SMYD3: variants seen among roughly 807,000 people sequenced by gnomAD.
SMYD3 encodes histone-lysine N-methyltransferase SMYD3.
Under a neutral mutation model 57.7 loss-of-function variants are expected in SMYD3, and 36 were observed. The observed-to-expected ratio is 0.62, with a 90% CI of 0.48 to 0.82. The LOEUF (loss-of-function observed/expected upper bound fraction) is 0.82. Ranked by LOEUF, SMYD3 falls within the 40% of genes least tolerant of loss-of-function variation. The pLI is 0.00. For missense variants in SMYD3, 515 were observed against 538.8 expected (o/e 0.96, Z 0.44); for synonymous variants, 211 against 195.0 (o/e 1.08, Z -0.68).
chr1:246,085,961 A>T (rs1270620194), intron 5 of SMYD3, among the ~76,000 whole-genome samples: 1 of 151,932 alleles, frequency 6.6e-6, no homozygotes. Context: ...GTGGATGGCT[A>T]AAAACAGTAG....
chr1:245,949,118 A>G (rs1019321126), intron 5 of SMYD3, among the ~76,000 whole-genome samples: 12 of 152,164 alleles, frequency 7.9e-5, no homozygotes, highest in Non-Finnish European at 1.6e-4. Flanking sequence ...TCCTCCTGCC[A>G]TTGCTACTGC....
intron 5 of SMYD3, among the ~76,000 whole-genome samples, chr1:245,948,765 C>T (rs906722303): frequency 1.3e-5 from 2 of 152,186 alleles, no homozygotes; most frequent in Non-Finnish European, 2.9e-5. Context: ...ACCCTGTGGC[C>T]CCAGCAGCAA....
chr1:246,208,671 G>A (rs530910508), intron 5 of SMYD3, among the ~76,000 whole-genome samples: 10 of 152,122 alleles, frequency 6.6e-5, no homozygotes, highest in Non-Finnish European at 1.2e-4. Flanking sequence ...AGGCAATCAC[G>A]TTGCATGTCC....
At chr1:245,913,304 T>C (rs1032598370) in intron 8 of SMYD3, among the ~76,000 whole-genome samples, 4 of 147,204 alleles carry the variant, frequency 2.7e-5, no homozygotes, top group Admixed American at 7.0e-5. Flanking sequence ...TAGGTGGGAA[T>C]TGAACAATGA....
intron 5 of SMYD3, among the ~76,000 whole-genome samples, chr1:246,055,163 A>T (rs1398036792): frequency 6.6e-6 from 1 of 150,820 alleles, no homozygotes. Flanking sequence ...GTGACAGAGC[A>T]AGACTCTGTC....
chr1:246,019,445 G>T (rs2059431481), intron 5 of SMYD3, among the ~76,000 whole-genome samples: 1 of 152,144 alleles, frequency 6.6e-6, no homozygotes, highest in African/African-American at 2.4e-5. Context: ...TTTCATGTAG[G>T]CAATGACTTT....
chr1:245,778,440 C>A (rs2046693576), intron 10 of SMYD3, among the ~76,000 whole-genome samples: 1 of 152,112 alleles, frequency 6.6e-6, no homozygotes, highest in Non-Finnish European at 1.5e-5. Flanking sequence ...GCATTTTTAA[C>A]CATCTTCAAC....
intron 5 of SMYD3, among the ~76,000 whole-genome samples, chr1:246,209,451 G>GAA (rs894076563): frequency 6.6e-6 from 1 of 151,632 alleles, no homozygotes; most frequent in Non-Finnish European, 1.5e-5. Context: ...ACAAGAGGGG[G>GAA]AAAAAAAGAG....
chr1:246,437,901 G>C (rs151106263), intron 1 of SMYD3, among the ~76,000 whole-genome samples: 123 of 152,284 alleles, frequency 8.1e-4, no homozygotes, highest in African/African-American at 2.9e-3. Context: ...CATAACAGCT[G>C]ACAATGATTT....
At chr1:246,092,916 A>G (rs1426514057) in intron 5 of SMYD3, among the ~76,000 whole-genome samples, 1 of 152,098 alleles carries the variant, frequency 6.6e-6, no homozygotes, top group Non-Finnish European at 1.5e-5. Context: ...AAAACCACCA[A>G]AAGCAGGAAA....
chr1:246,339,686 A>G (rs1171695815), intron 2 of SMYD3, among the ~76,000 whole-genome samples: 1 of 152,206 alleles, frequency 6.6e-6, no homozygotes, highest in Non-Finnish European at 1.5e-5. Context: ...TGTGTACCTC[A>G]AAGTTCATGT....
chr1:246,133,661 T>C (rs1031565823), intron 5 of SMYD3, among the ~76,000 whole-genome samples: 1 of 152,086 alleles, frequency 6.6e-6, no homozygotes, highest in African/African-American at 2.4e-5. Flanking sequence ...TTTATTAAAG[T>C]GCATCAGGAG....
chr1:246,125,896 G>A (rs973994290), intron 5 of SMYD3, among the ~76,000 whole-genome samples: 9 of 151,988 alleles, frequency 5.9e-5, no homozygotes, highest in Non-Finnish European at 1.3e-4. Flanking sequence ...TCGAGTAGTA[G>A]TAAAAAGGAG....
chr1:246,164,693 C>G (rs1049571077), intron 5 of SMYD3, among the ~76,000 whole-genome samples: 13 of 152,194 alleles, frequency 8.5e-5, no homozygotes, highest in Non-Finnish European at 1.6e-4. Context: ...GTGCCACGTG[C>G]CAGGCACACA....
At chr1:246,344,752 T>C (rs1445751319) in intron 2 of SMYD3, among the ~76,000 whole-genome samples, 1 of 152,200 alleles carries the variant, frequency 6.6e-6, no homozygotes, top group Non-Finnish European at 1.5e-5. Context: ...GTCAGTCCTT[T>C]TAATTTTAGT....
At chr1:245,941,481 C>G (rs1221193098) in intron 5 of SMYD3, among the ~76,000 whole-genome samples, 1 of 152,078 alleles carries the variant, frequency 6.6e-6, no homozygotes, top group East Asian at 1.9e-4. Flanking sequence ...AGTGGAAACC[C>G]TACAAGGTGG....
chr1:245,762,297 C>G (rs1445262852), intron 11 of SMYD3, among the ~76,000 whole-genome samples: 1 of 152,152 alleles, frequency 6.6e-6, no homozygotes, highest in Admixed American at 6.5e-5. Flanking sequence ...TCACGGATCA[C>G]GTACGTACGA....
intron 5 of SMYD3, among the ~76,000 whole-genome samples, chr1:246,049,133 G>A (rs1355981375): frequency 6.6e-6 from 1 of 152,110 alleles, no homozygotes; most frequent in Non-Finnish European, 1.5e-5. Flanking sequence ...GTGTGAGCAT[G>A]AGCCCAACCC....
At chr1:245,950,119 C>A (rs2057576383) in intron 5 of SMYD3, among the ~76,000 whole-genome samples, 1 of 152,136 alleles carries the variant, frequency 6.6e-6, no homozygotes, top group Non-Finnish European at 1.5e-5. Flanking sequence ...CTAAGAAATA[C>A]ATTAATTCTC....
Sources: allele counts gnomAD v4.1 joint callset (sites outside exome capture counted in the v4.1 genomes callset), GRCh38; gene constraint gnomAD v4.1.1; transcripts MANE v1.5; gene names NCBI Gene and HGNC (gene_info 2026-07-23, HGNC 2026-07-21).